The following MAPT variants were observed in gnomAD, a reference collection of about 807,000 sequenced individuals.
MAPT encodes the protein microtubule associated protein tau.
In MAPT, 34 loss-of-function variants were observed where a neutral mutation model predicts 67.9. That is an observed-to-expected ratio of 0.50 (90% CI 0.38 to 0.67). The LOEUF (loss-of-function observed/expected upper bound fraction) is 0.67. MAPT is among the 30% of genes least tolerant of loss of function. MAPT has a pLI of 0.00. For synonymous variants in MAPT, 456 were observed against 464.5 expected (o/e 0.98, Z 0.23); for missense variants, 881 against 1,115.2 (o/e 0.79, Z 2.99).
chr17:46,018,807 C>A, intron 12 of MAPT, 77 bp downstream of exon 12: 1 of 1,069,514 alleles, frequency 9.4e-7, no homozygotes, highest in Non-Finnish European at 1.5e-6. Flanking sequence ...AAAGGCTGGT[C>A]CAGTTCCCAG....
chr17:45,945,382 A>G (rs1364281059), intron 1 of MAPT, among the ~76,000 whole-genome samples: 4 of 152,248 alleles, frequency 2.6e-5, no homozygotes, highest in African/African-American at 2.4e-5. Flanking sequence ...GTAAAAGCCA[A>G]TCCCTCCCCC....
At position 46,010,535 on chromosome 17, in the gene MAPT, G is replaced by A; in HGVS notation, c.2091+133G>A. On this transcript the variant is annotated intron_variant, in intron 10 of 12. Transcript: ENST00000262410. This position sits in a 1 kb window ranked among gnomAD's most constrained non-coding sequence, Gnocchi z 4.7. ...CTCTCAGGATCTGGCTGCGACCTCT[G>A]GGTGAATGTAGCCCGGCTCCCCACA... 2 of 735,366 alleles carry A rather than the reference G, an allele frequency of 2.7e-6. No individual in the cohort carries two copies. The highest frequency in any genetic ancestry group is 4.8e-6 in the Non-Finnish European group (2 of 413,532). 45.6% of individuals were successfully genotyped at this position (735,366 alleles called of 1,614,324 possible). A position where few individuals can be genotyped will look rare whatever the true frequency, so the allele number is the denominator to read the frequency against.
intron 1 of MAPT, among the ~76,000 whole-genome samples, chr17:45,943,516 A>C (rs2068182885): frequency 6.6e-6 from 1 of 152,210 alleles, no homozygotes; most frequent in African/African-American, 2.4e-5. Flanking sequence ...CCTCAGACTC[A>C]AAAATTAGAA....
rs891977527 is a variant in MAPT at position 46,024,372 on chromosome 17, C to A, written c.*201C>A. 2.0e-5 allele frequency: 12 copies of A among 605,144 alleles called. No homozygotes were observed. The highest frequency in any genetic ancestry group is 3.2e-5 in the Non-Finnish European group (11 of 338,938). The allele number at this position is 605,144 out of a possible 1,614,324, so 37.5% of individuals were successfully genotyped here. On this transcript the variant is annotated 3_prime_UTR_variant, in exon 13 of 13. Coordinates refer to ENST00000262410, the MANE Select transcript of MAPT (RefSeq NM_001377265.1). Reference sequence around the variant, plus strand: ...CAGTGATGGGAGTAAGAGCAAATTTCATCTTTCCAAATTGATGGGTGGGCT... The same window carrying A: ...CAGTGATGGGAGTAAGAGCAAATTTAATCTTTCCAAATTGATGGGTGGGCT...
At chr17:45,985,961 T>C (rs745627705) in intron 5 of MAPT, among the ~76,000 whole-genome samples, 3 of 152,120 alleles carry the variant, frequency 2.0e-5, no homozygotes, top group Non-Finnish European at 2.9e-5. Context: ...CAGTTGTCCA[T>C]GGGGTAGAGG....
At chr17:45,920,857 G>A (rs567500193) in intron 1 of MAPT, among the ~76,000 whole-genome samples, 124 of 152,292 alleles carry the variant, frequency 8.1e-4, no homozygotes, top group African/African-American at 2.4e-3. Context: ...ACAAACTCAC[G>A]GCATGGAACC....
At chr17:45,974,420 G>C in intron 3 of MAPT, 3 of 1,610,716 alleles carry the variant, frequency 1.9e-6, no homozygotes, top group Non-Finnish European at 2.5e-6. Context: ...GGGAGCTCCC[G>C]GCAAGCAGGC....
At chr17:45,994,999 G>T (rs2074358819) in intron 8 of MAPT, among the ~76,000 whole-genome samples, 1 of 151,926 alleles carries the variant, frequency 6.6e-6, no homozygotes, top group Admixed American at 6.6e-5. Context: ...AGTGAGCCGA[G>T]ATCACGCCAT....
At chr17:45,920,654 G>A (rs1461942211) in intron 1 of MAPT, among the ~76,000 whole-genome samples, 1 of 152,158 alleles carries the variant, frequency 6.6e-6, no homozygotes, top group Non-Finnish European at 1.5e-5. Flanking sequence ...CTCTGACAAG[G>A]TCTGGGGTGG....
intron 1 of MAPT, among the ~76,000 whole-genome samples, chr17:45,922,023 CT>C (rs751167232): frequency 2.1e-3 from 305 of 146,432 alleles, no homozygotes; most frequent in Non-Finnish European, 2.8e-3. Flanking sequence ...GGTGAGTTTG[CT>C]TTTTTTTTTT....
chr17:45,961,663 A>G (rs1252921929), intron 1 of MAPT, among the ~76,000 whole-genome samples: 7 of 152,132 alleles, frequency 4.6e-5, no homozygotes. Flanking sequence ...GTTAAAGAGA[A>G]AGAGCAAACT....
In MAPT at chr17:45,996,316, G is replaced by A; in HGVS notation, c.1733-83G>A. The A allele has an allele frequency of 2.7e-6, 4 of 1,495,252 alleles. No homozygotes were observed. The highest frequency in any genetic ancestry group is 3.7e-6 in the Non-Finnish European group (4 of 1,085,076). 92.6% of individuals were successfully genotyped at this position (1,495,252 alleles called of 1,614,324 possible). A position where few individuals can be genotyped will look rare whatever the true frequency, so the allele number is the denominator to read the frequency against. ...TAACCCAGTGGTGAGCCTGGGAATG[G>A]ACCCACGGGACAGGCAGCCCCCAGG... On this transcript the variant is annotated intron_variant, in intron 8 of 12. Coordinates refer to ENST00000262410, the MANE Select transcript of MAPT (RefSeq NM_001377265.1). This position sits in a 1 kb window ranked among gnomAD's most constrained non-coding sequence, Gnocchi z 4.5.
At chr17:46,003,767 CA>C (rs2075215535) in intron 9 of MAPT, among the ~76,000 whole-genome samples, 1 of 152,116 alleles carries the variant, frequency 6.6e-6, no homozygotes, top group South Asian at 2.1e-4. Context: ...GGGGCAGAGC[CA>C]GGCTGGGACC....
At chr17:46,012,366 C>T (rs376331460) in intron 10 of MAPT, among the ~76,000 whole-genome samples, 1 of 151,940 alleles carries the variant, frequency 6.6e-6, no homozygotes, top group Non-Finnish European at 1.5e-5. Flanking sequence ...TGCTCGTCTG[C>T]GGGCTAGCCT....
intron 1 of MAPT, among the ~76,000 whole-genome samples, chr17:45,920,699 G>T (rs984798638): frequency 6.6e-6 from 1 of 152,208 alleles, no homozygotes; most frequent in Non-Finnish European, 1.5e-5. Context: ...ACACCTCCCA[G>T]TGCCTGGGAA....
Position 45,983,825 on chromosome 17 carries a change from T to TGAC in MAPT, c.1246_1247insGAC (p.Ser416delinsTer). On this transcript the variant is annotated stop_gained, in exon 5 of 13. Transcript: ENST00000262410. LOFTEE classifies it high-confidence loss of function. ...AGAGGGGCCAGAGGCCCGGGGCCCC[T>TGAC]CTTTGGGAGAGGACACAAAAGAGGC... The TGAC allele has an allele frequency of 1.9e-6, 3 of 1,612,624 alleles. No individual in the cohort carries two copies. The highest frequency in any genetic ancestry group is 2.5e-6 in the Non-Finnish European group (3 of 1,179,788).
At chr17:45,961,775 G>T (rs867983977) in intron 1 of MAPT, among the ~76,000 whole-genome samples, 87 of 142,240 alleles carry the variant, frequency 6.1e-4, no homozygotes, top group South Asian at 1.6e-3. Context: ...TATTTGTTTT[G>T]TTTTTTTTTT....
At chr17:46,022,255 C>T (rs558466263) in intron 12 of MAPT, among the ~76,000 whole-genome samples, 45 of 149,450 alleles carry the variant, frequency 3.0e-4, no homozygotes, top group Admixed American at 2.0e-4. Context: ...CTTGGGAGGC[C>T]GAGGCAGGAG....
intron 1 of MAPT, among the ~76,000 whole-genome samples, chr17:45,958,126 C>G (rs1401463638): frequency 6.6e-6 from 1 of 152,066 alleles, no homozygotes; most frequent in Non-Finnish European, 1.5e-5. Context: ...CTCACTCCAT[C>G]TTAAACCTAA....
Sources: gnomAD v4.1 joint callset for allele counts (sites outside exome capture counted in the v4.1 genomes callset) on GRCh38, gnomAD v4.1.1 for gene constraint, Gnocchi (gnomAD v3.1) non-coding constraint, MANE v1.5 for transcripts, NCBI Gene and HGNC (gene_info 2026-07-23, HGNC 2026-07-21) for gene names.